Variants in TMEM266 observed in about 807,000 individuals in gnomAD.
The protein encoded by TMEM266 is Hv1 related protein 1.
Under a neutral mutation model 50.5 loss-of-function variants are expected in TMEM266, and 33 were observed. That is an observed-to-expected ratio of 0.65 (90% confidence interval 0.50 to 0.87). The LOEUF is 0.87. TMEM266 is among the 40% of genes least tolerant of loss of function. The pLI, the probability that TMEM266 is intolerant of heterozygous loss-of-function variation, is 0.00. For synonymous variants in TMEM266, 310 were observed against 292.3 expected (o/e 1.06, Z -0.62); for missense variants, 655 against 695.1 (o/e 0.94, Z 0.65).
At chr15:76,193,078 C>T (rs1224584933) in intron 9 of TMEM266, among the ~76,000 whole-genome samples, 1 of 152,240 alleles carries the variant, frequency 6.6e-6, no homozygotes, top group African/African-American at 2.4e-5. Context: ...CACTCCTCAG[C>T]TCCATGACTG....
intron 3 of TMEM266, among the ~76,000 whole-genome samples, chr15:76,138,678 T>C (rs1331578365): frequency 6.6e-6 from 1 of 152,216 alleles, no homozygotes; most frequent in Non-Finnish European, 1.5e-5. Flanking sequence ...GGCTAGGAGC[T>C]CTGCAGACAT....
At position 76,153,084 on chromosome 15, in the gene TMEM266, CACCTCCTGCAGCTTCCTA is replaced by C. The variant is rs147310067; in HGVS notation, c.228-3516_228-3499del. Among the ~76,000 whole-genome samples, 119 of 151,816 alleles carry C rather than the reference CACCTCCTGCAGCTTCCTA, an allele frequency of 7.8e-4. 1 individual carries two copies. Among genetic ancestry groups the C allele is most frequent in the African/African-American group, 2.8e-3 (116 of 41,410 alleles). ...CAGACCACAGGTAACTCCAGACGCC[CACCTCCTGCAGCTTCCTA>C]ACCACCTGATATGGTTAGTAAGTTT... is the stretch of plus-strand genomic sequence containing the variant. On this transcript the variant is annotated intron_variant, in intron 3 of 10. Transcript: ENST00000388942. The surrounding 1 kb of genome is among the most constrained non-coding windows in gnomAD (Gnocchi z 4.2).
intron 1 of TMEM266, among the ~76,000 whole-genome samples, chr15:76,080,591 G>A (rs2036676754): frequency 6.6e-6 from 1 of 151,476 alleles, no homozygotes; most frequent in South Asian, 2.1e-4. Flanking sequence ...TGCCCATTGA[G>A]CCCTCCTGCC....
At chr15:76,138,970 T>A (rs1235483297) in intron 3 of TMEM266, among the ~76,000 whole-genome samples, 2 of 152,186 alleles carry the variant, frequency 1.3e-5, no homozygotes, top group African/African-American at 4.8e-5. Context: ...GAACAGGTCC[T>A]AGGGTCACAC....
chr15:76,062,402 C>T (rs576788537), intron 1 of TMEM266, among the ~76,000 whole-genome samples: 3 of 152,146 alleles, frequency 2.0e-5, no homozygotes, highest in African/African-American at 7.2e-5. Flanking sequence ...AACAGTATAG[C>T]GGTTTGTACA....
At chr15:76,064,187 A>G (rs2036365565) in intron 1 of TMEM266, among the ~76,000 whole-genome samples, 1 of 152,170 alleles carries the variant, frequency 6.6e-6, no homozygotes, top group Non-Finnish European at 1.5e-5. Context: ...GGTCATTCCT[A>G]CTGGCTTTTT....
At chr15:76,067,223 A>T (rs1253891640) in intron 1 of TMEM266, among the ~76,000 whole-genome samples, 1 of 152,190 alleles carries the variant, frequency 6.6e-6, no homozygotes, top group African/African-American at 2.4e-5. Context: ...GAAAATTTAG[A>T]CTCTATAAGC....
chr15:76,188,996 A>G (rs2142079023), intron 8 of TMEM266, among the ~76,000 whole-genome samples: 1 of 152,312 alleles, frequency 6.6e-6, no homozygotes, highest in East Asian at 1.9e-4. Flanking sequence ...TCTGGGCAAC[A>G]TGGCAAGACC....
At chr15:76,184,586 G>A (rs536884132) in intron 8 of TMEM266, among the ~76,000 whole-genome samples, 12 of 152,356 alleles carry the variant, frequency 7.9e-5, no homozygotes, top group African/African-American at 2.6e-4. Flanking sequence ...CTAATAGGAT[G>A]GAGCAGAATT....
chr15:76,203,847 A>G lies in TMEM266; in HGVS notation c.1128A>G (p.Lys376=), dbSNP rs772089246. Residue 376 remains lysine, a synonymous_variant, in exon 11 of 11, where the codon AAA becomes AAG. Transcript: ENST00000388942. ...TCTTCTCTCTGGACATGCCCCTCAA[A>G]CTCGGCGGTAATGGCACCAGCGCCA... 11 of 1,613,848 alleles carry G rather than the reference A, an allele frequency of 6.8e-6. No individual in the cohort carries two copies. Among genetic ancestry groups the G allele is most frequent in the Non-Finnish European group, 9.3e-6 (11 of 1,179,992 alleles).
intron 8 of TMEM266, among the ~76,000 whole-genome samples, chr15:76,177,358 A>G (rs2142066895): frequency 6.6e-6 from 1 of 152,272 alleles, no homozygotes; most frequent in East Asian, 1.9e-4. Flanking sequence ...TGGTAAATGC[A>G]TATTCACTGT....
chr15:76,178,345 A>G (rs928240373), intron 8 of TMEM266, among the ~76,000 whole-genome samples: 2 of 152,128 alleles, frequency 1.3e-5, no homozygotes, highest in Non-Finnish European at 2.9e-5. Flanking sequence ...AAGTGGGGAA[A>G]GTAAAGTGCA....
At chr15:76,107,941 C>T (rs1223100964) in intron 1 of TMEM266, among the ~76,000 whole-genome samples, 3 of 152,224 alleles carry the variant, frequency 2.0e-5, no homozygotes, top group South Asian at 2.1e-4. Context: ...AACATTTTAG[C>T]AGGCACCCTC....
At chr15:76,179,986 T>C (rs1227603981) in intron 8 of TMEM266, among the ~76,000 whole-genome samples, 3 of 151,272 alleles carry the variant, frequency 2.0e-5, no homozygotes, top group Non-Finnish European at 2.9e-5. Context: ...ACAAAACGCT[T>C]TTCACTCCCT....
At chr15:76,200,985 C>T (rs1424636808) in intron 9 of TMEM266, among the ~76,000 whole-genome samples, 1 of 152,138 alleles carries the variant, frequency 6.6e-6, no homozygotes, top group Non-Finnish European at 1.5e-5. Flanking sequence ...ACAGGTGTGC[C>T]TGGGAGGGGC....
chr15:76,105,325 G>T (rs538054723), intron 1 of TMEM266, among the ~76,000 whole-genome samples: 1 of 152,242 alleles, frequency 6.6e-6, no homozygotes, highest in African/African-American at 2.4e-5. Context: ...GTCCTCCAAG[G>T]CACAGCCTGG....
chr15:76,119,758 C>T (rs1336905623), intron 1 of TMEM266, among the ~76,000 whole-genome samples: 1 of 151,300 alleles, frequency 6.6e-6, no homozygotes, highest in Non-Finnish European at 1.5e-5. Flanking sequence ...TACAGCAAGA[C>T]TTGGTCTCAA....
intron 8 of TMEM266, among the ~76,000 whole-genome samples, chr15:76,190,193 C>T (rs2038546948): frequency 6.6e-6 from 1 of 152,224 alleles, no homozygotes; most frequent in African/African-American, 2.4e-5. Context: ...GAAGGCCCCT[C>T]TGAGGGGGGC....
At chr15:76,203,555 C>T (rs1309644252) in intron 10 of TMEM266, among the ~76,000 whole-genome samples, 186 bp from the exon 11 acceptor site, 1 of 152,218 alleles carries the variant, frequency 6.6e-6, no homozygotes, top group Non-Finnish European at 1.5e-5. Context: ...CATAATACCC[C>T]TCAAAGCAGG....
Sources: allele counts gnomAD v4.1 joint callset (sites outside exome capture counted in the v4.1 genomes callset), GRCh38; gene constraint gnomAD v4.1.1; non-coding constraint Gnocchi (gnomAD v3.1); transcripts MANE v1.5; gene names NCBI Gene and HGNC (gene_info 2026-07-23, HGNC 2026-07-21).